Variants in HELLS observed in about 807,000 individuals in gnomAD.
The protein encoded by HELLS is helicase, lymphoid specific, also known as lymphoid-specific helicase.
A neutral mutation model predicts 120.0 loss-of-function variants in HELLS; 32 were observed. That is an observed-to-expected ratio of 0.27 (90% CI 0.20 to 0.36). The LOEUF (loss-of-function observed/expected upper bound fraction) is 0.36. Ranked by LOEUF, HELLS falls within the 10% of genes least tolerant of loss-of-function variation. HELLS has a pLI of 1.00. For synonymous variants in HELLS, 341 were observed against 323.4 expected (o/e 1.05, Z -0.58); for missense variants, 650 against 993.4 (o/e 0.65, Z 4.65).
intron 10 of HELLS, among the ~76,000 whole-genome samples, chr10:94,580,755 A>T (rs984280579): frequency 3.3e-5 from 5 of 152,090 alleles, no homozygotes; most frequent in Non-Finnish European, 7.4e-5. Flanking sequence ...GAAATACTTC[A>T]TATTTCTGTA....
exon 10 of HELLS, chr10:94,612,771 A>G (rs980371681): frequency 6.6e-6 from 1 of 152,132 alleles, no homozygotes; most frequent in African/African-American, 2.4e-5. Context: ...ACTAAAACAA[A>G]AAGTTTTCTG....
chr10:94,592,601 A>T, intron 17 of HELLS, 87 bp downstream of exon 17: 1 of 890,866 alleles, frequency 1.1e-6, no homozygotes, highest in Non-Finnish European at 1.6e-6. Context: ...TAGACCCACA[A>T]ATTGATAAAA....
At chr10:94,594,598 G>C (rs1420726053) in intron 18 of HELLS, 97 bp from the exon 19 acceptor site, 1 of 872,946 alleles carries the variant, frequency 1.1e-6, no homozygotes, top group African/African-American at 1.7e-5. Context: ...CTATTTAAAA[G>C]TTCCTGGCTA....
At chr10:94,605,195 G>A (rs1846115995), downstream of HELLS, among the ~76,000 whole-genome samples, 1 of 148,336 alleles carries the variant, frequency 6.7e-6, no homozygotes, top group African/African-American at 2.5e-5. Flanking sequence ...CTATTCTCCT[G>A]CCTCAGCCTC....
At chr10:94,606,842 C>T (rs1165303699), downstream of HELLS, among the ~76,000 whole-genome samples, 4 of 152,196 alleles carry the variant, frequency 2.6e-5, no homozygotes, top group Non-Finnish European at 5.9e-5. Flanking sequence ...TGAGGGTTCT[C>T]AACAGGTGGA....
chr10:94,571,430 G>A lies in HELLS; in HGVS notation c.477+1G>A. ...TAAAAAAAATAAAAAGGAGAATGAG[G>A]TAAGAAATTTATAATGTAAGATTAA... On this transcript the variant is annotated splice_donor_variant, in intron 7 of 21. Transcript: ENST00000348459. LOFTEE classifies it high-confidence loss of function. 6.7e-7 allele frequency: 1 copy of A among 1,497,826 alleles called. No individual in the cohort carries two copies. The highest frequency in any genetic ancestry group is 9.2e-7 in the Non-Finnish European group (1 of 1,087,604). 92.8% of individuals were successfully genotyped at this position (1,497,826 alleles called of 1,614,324 possible).
Position 94,558,056 on chromosome 10 carries a change from A to C in HELLS, c.277-83A>C. ...TAGACCTTAGTTTCTCATTGTAAAC[A>C]TAAGTTATTTGAGAATTGATATGCG... On this transcript the variant is annotated intron_variant, in intron 3 of 21. Transcript: ENST00000348459. 4.0e-6 allele frequency: 6 copies of C among 1,484,162 alleles called. No homozygotes were observed. The South Asian group carries it at 6.7e-5, about 17-fold the overall frequency. The allele number at this position is 1,484,162 out of a possible 1,614,324, so 91.9% of individuals were successfully genotyped here.
At chr10:94,612,771 A>C (rs980371681) in exon 10 of HELLS, 1 of 152,132 alleles carries the variant, frequency 6.6e-6, no homozygotes, top group Admixed American at 6.5e-5. Context: ...ACTAAAACAA[A>C]AAGTTTTCTG....
intron 3 of HELLS, among the ~76,000 whole-genome samples, chr10:94,557,872 C>T (rs1051522946): frequency 6.6e-6 from 1 of 152,092 alleles, no homozygotes; most frequent in African/African-American, 2.4e-5. Context: ...ACCTTGTTTC[C>T]GTTTTGTCAG....
intron 6 of HELLS, among the ~76,000 whole-genome samples, chr10:94,569,031 G>T (rs1564590844): frequency 6.6e-6 from 1 of 151,950 alleles, no homozygotes; most frequent in African/African-American, 2.4e-5. Flanking sequence ...TCAGAGATGG[G>T]GTTTCTCCAT....
intron 11 of HELLS, 150 bp downstream of exon 11, chr10:94,581,672 G>A: frequency 2.0e-6 from 1 of 508,990 alleles, no homozygotes; most frequent in Non-Finnish European, 3.4e-6. Flanking sequence ...CACAAATTAT[G>A]TGAGAGCAGA....
chr10:94,553,283 C>G (rs1565015558), intron 2 of HELLS, among the ~76,000 whole-genome samples: 2 of 151,258 alleles, frequency 1.3e-5, no homozygotes, highest in African/African-American at 2.4e-5. Context: ...GAGTCTCACT[C>G]TGTCACCCAG....
chr10:94,554,652 TTTTG>T (rs1408392651), intron 3 of HELLS, among the ~76,000 whole-genome samples: 4 of 142,800 alleles, frequency 2.8e-5, no homozygotes, highest in Admixed American at 2.1e-4. Flanking sequence ...GTGTTTTTTT[TTTTG>T]TTTTTTTTTT....
At chr10:94,586,425 A>G (rs961359763) in intron 12 of HELLS, among the ~76,000 whole-genome samples, 1 of 152,104 alleles carries the variant, frequency 6.6e-6, no homozygotes, top group African/African-American at 2.4e-5. Context: ...CCGGCCGGAC[A>G]TGTTTTAACA....
intron 3 of HELLS, among the ~76,000 whole-genome samples, chr10:94,555,195 G>A (rs1387434681): frequency 1.3e-5 from 2 of 152,100 alleles, no homozygotes; most frequent in African/African-American, 2.4e-5. Flanking sequence ...CCAGCACTTT[G>A]GGAGGCCAAG....
intron 12 of HELLS, among the ~76,000 whole-genome samples, chr10:94,584,574 T>C (rs74150834): frequency 0.012 from 1,820 of 152,194 alleles, 55 homozygotes; most frequent in African/African-American, 0.042. Context: ...AGGATTAAGT[T>C]TCTGTTCTTA....
chr10:94,575,330 C>G lies in HELLS; in HGVS notation c.888+594C>G, dbSNP rs11188027. On this transcript the variant is annotated intron_variant, in intron 9 of 21. Coordinates refer to ENST00000348459, the MANE Select transcript of HELLS (RefSeq NM_018063.5). ...GCCAGGCTGGTCTTGAACTCCTGGC[C>G]TGAAGAGATCTGCCCACTTTGGCCT... Among the ~76,000 whole-genome samples, 43 of 151,712 alleles carry G rather than the reference C, an allele frequency of 2.8e-4. 1 individual carries two copies. In the East Asian group the frequency reaches 4.8e-3, roughly 17 times the overall value.
chr10:94,553,341 C>T (rs376876104), intron 2 of HELLS, among the ~76,000 whole-genome samples: 3 of 152,026 alleles, frequency 2.0e-5, no homozygotes, highest in South Asian at 2.1e-4. Context: ...CTCCGCTTCC[C>T]GGGTTTAAGC....
chr10:94,562,667 A>G (rs1388338673), intron 4 of HELLS, 24 bp from the exon 5 acceptor site: 5 of 1,523,516 alleles, frequency 3.3e-6, no homozygotes, highest in Non-Finnish European at 4.5e-6. Flanking sequence ...AATAAAATCA[A>G]TATTCTGAAT....
Sources: gnomAD v4.1 joint callset for allele counts (sites outside exome capture counted in the v4.1 genomes callset) on GRCh38, gnomAD v4.1.1 for gene constraint, MANE v1.5 for transcripts, NCBI Gene and HGNC (gene_info 2026-07-23, HGNC 2026-07-21) for gene names.